Variants in EVC observed in about 807,000 individuals in gnomAD.
The protein encoded by EVC is evC complex member EVC.
Under a neutral mutation model 118.9 loss-of-function variants are expected in EVC, and 116 were observed. That is an observed-to-expected ratio of 0.98 (90% CI 0.84 to 1.14). The LOEUF is 1.14. EVC is among the 50% of genes most tolerant of loss of function. The pLI is 0.00. For synonymous variants in EVC, 619 were observed against 534.7 expected (o/e 1.16, Z -2.18); for missense variants, 1,401 against 1,246.4 (o/e 1.12, Z -1.87).
intron 12 of EVC, 84 bp downstream of exon 12, chr4:5,783,848 C>G: frequency 1.6e-6 from 2 of 1,239,784 alleles, no homozygotes; most frequent in East Asian, 5.1e-5. Context: ...GTCCTGAACA[C>G]CCACTAGTGC....
intron 4 of EVC, among the ~76,000 whole-genome samples, chr4:5,732,207 A>G (rs925738659): frequency 2.6e-5 from 4 of 152,118 alleles, no homozygotes; most frequent in African/African-American, 9.7e-5. Context: ...ATTTGACCCA[A>G]CCCAGAGCAG....
At chr4:5,762,338 T>G (rs984658507) in intron 11 of EVC, among the ~76,000 whole-genome samples, 1 of 139,488 alleles carries the variant, frequency 7.2e-6, no homozygotes, top group African/African-American at 2.7e-5. Context: ...TCTTTGCTAT[T>G]GTGAATAGTG....
chr4:5,777,777 G>A (rs1331116615), intron 11 of EVC, among the ~76,000 whole-genome samples: 1 of 152,102 alleles, frequency 6.6e-6, no homozygotes, highest in South Asian at 2.1e-4. Context: ...CAGGGTTGGC[G>A]ATGAGCTTAA....
At chr4:5,732,955 A>T (rs1727068744) in intron 4 of EVC, among the ~76,000 whole-genome samples, 1 of 152,244 alleles carries the variant, frequency 6.6e-6, no homozygotes, top group Non-Finnish European at 1.5e-5. Context: ...GGCTGCAGTA[A>T]GCCGTGATTG....
At chr4:5,713,578 G>A (rs1043614739) in intron 1 of EVC, among the ~76,000 whole-genome samples, 4 of 151,332 alleles carry the variant, frequency 2.6e-5, no homozygotes, top group Admixed American at 6.6e-5. Context: ...TCAGGAGGCT[G>A]AGGCAGGAGA....
At chr4:5,728,037 G>A (rs2151910170) in intron 2 of EVC, among the ~76,000 whole-genome samples, 1 of 151,692 alleles carries the variant, frequency 6.6e-6, no homozygotes, top group East Asian at 1.9e-4. Context: ...TTTGGCTTAG[G>A]ATTGACTTGG....
At chr4:5,783,478 A>G in intron 11 of EVC, 74 bp from the exon 12 acceptor site, 3 of 1,414,474 alleles carry the variant, frequency 2.1e-6, no homozygotes, top group East Asian at 2.3e-5. Flanking sequence ...TGTGGAGGAG[A>G]GGCAGAGAGC....
rs560545695 is a variant in EVC, at chr4:5,801,802, G to A, written c.2305-148G>A. 406 of 794,786 alleles carry A rather than the reference G, an allele frequency of 5.1e-4. 1 individual carries two copies. Among genetic ancestry groups the A allele is most frequent in the Non-Finnish European group, 7.3e-4 (340 of 466,758 alleles). The allele number at this position is 794,786 out of a possible 1,614,324, so 49.2% of individuals were successfully genotyped here. A position where few individuals can be genotyped will look rare whatever the true frequency, so the allele number is the denominator to read the frequency against. Reference sequence around the variant, plus strand: ...CCCATGACTAGTTTAAACCAGCCATGCACTCTCTGCCTGCTTCCTGACCAA... The same window carrying A: ...CCCATGACTAGTTTAAACCAGCCATACACTCTCTGCCTGCTTCCTGACCAA... On this transcript the variant is annotated intron_variant, in intron 15 of 20. Coordinates refer to ENST00000264956, the MANE Select transcript of EVC (RefSeq NM_153717.3).
chr4:5,769,922 G>A (rs1733681528), intron 11 of EVC, among the ~76,000 whole-genome samples: 1 of 152,084 alleles, frequency 6.6e-6, no homozygotes, highest in African/African-American at 2.4e-5. Flanking sequence ...TGCAAGTTTG[G>A]TGGTCCTGAA....
chr4:5,816,329 A>G (rs991171777), downstream of EVC, among the ~76,000 whole-genome samples: 1 of 152,132 alleles, frequency 6.6e-6, no homozygotes, highest in African/African-American at 2.4e-5. Context: ...AAAACGACCA[A>G]CATCCTTGGG....
intron 12 of EVC, among the ~76,000 whole-genome samples, chr4:5,791,760 G>T (rs965733504): frequency 5.3e-5 from 8 of 151,744 alleles, no homozygotes; most frequent in Non-Finnish European, 1.0e-4. Context: ...ATGAAAGATG[G>T]AGCCAAAAAT....
At position 5,753,947 on chromosome 4, in the gene EVC, C is replaced by G. The variant is rs1276237247; in HGVS notation, c.1464+14C>G. ...AAGTTTCTCGAGGTGACTCACATCC[C>G]CAGCCTCTGCACATGTGGGTGAGCC... On this transcript the variant is annotated intron_variant, in intron 10 of 20. Coordinates refer to ENST00000264956, the MANE Select transcript of EVC (RefSeq NM_153717.3). The G allele has an allele frequency of 1.9e-6, 3 of 1,612,528 alleles. No homozygotes were observed. The highest frequency in any genetic ancestry group is 1.1e-5 in the South Asian group (1 of 90,992).
At chr4:5,717,742 T>C (rs757297301) in intron 1 of EVC, among the ~76,000 whole-genome samples, 4 of 152,258 alleles carry the variant, frequency 2.6e-5, no homozygotes, top group Non-Finnish European at 4.4e-5. Context: ...CAATGGCTCA[T>C]GGCCTCACTT....
intron 11 of EVC, among the ~76,000 whole-genome samples, chr4:5,772,054 G>A (rs187881053): frequency 4.9e-4 from 75 of 151,968 alleles, no homozygotes; most frequent in South Asian, 4.2e-3. Flanking sequence ...CCGCCACCAC[G>A]CCCAGCTAAT....
Position 5,798,905 on chromosome 4 carries a change from CTT to C in EVC, c.2304+115_2304+116del. Reference sequence around the variant, plus strand: ...TTCATGGAGCTTGTGGCCTAGTAGACTTTGCCTGACTTCTCCATGACTTGATT... The same window carrying C: ...TTCATGGAGCTTGTGGCCTAGTAGACTGCCTGACTTCTCCATGACTTGATT... On this transcript the variant is annotated intron_variant, in intron 15 of 20. Coordinates refer to ENST00000264956, the MANE Select transcript of EVC (RefSeq NM_153717.3). The surrounding 1 kb of genome is among the most constrained non-coding windows in gnomAD (Gnocchi z 4.1). The C allele has an allele frequency of 3.5e-6, 4 of 1,133,032 alleles. No homozygotes were observed. The South Asian group carries it at 4.0e-5, about 11-fold the overall frequency. 70.2% of individuals were successfully genotyped at this position (1,133,032 alleles called of 1,614,324 possible).
At chr4:5,728,563 AT>A (rs1188650433) in intron 2 of EVC, among the ~76,000 whole-genome samples, 1 of 152,116 alleles carries the variant, frequency 6.6e-6, no homozygotes, top group African/African-American at 2.4e-5. Context: ...AATACCCTTT[AT>A]TTCCTAAAGT....
Position 5,754,069 on chromosome 4 carries a change from C to A in EVC, c.1464+136C>A, listed in dbSNP as rs957313912. Reference sequence around the variant, plus strand: ...ACTTCCCATGTGTCAGCCGAGTGACCGAATCTCAGTCCCTTAGCCCCTACA... The same window carrying A: ...ACTTCCCATGTGTCAGCCGAGTGACAGAATCTCAGTCCCTTAGCCCCTACA... On this transcript the variant is annotated intron_variant, in intron 10 of 20. Coordinates refer to ENST00000264956, the MANE Select transcript of EVC (RefSeq NM_153717.3). This position sits in a 1 kb window ranked among gnomAD's most constrained non-coding sequence, Gnocchi z 5.8. 5 of 1,145,454 alleles carry A rather than the reference C, an allele frequency of 4.4e-6. No homozygotes were observed. The African/African-American group carries it at 6.1e-5, about 14-fold the overall frequency. The allele number at this position is 1,145,454 out of a possible 1,614,324, so 71.0% of individuals were successfully genotyped here.
chr4:5,822,495 G>A, the EVC span, among the ~76,000 whole-genome samples: 2 of 83,038 alleles, frequency 2.4e-5, no homozygotes, highest in Non-Finnish European at 4.2e-5. Flanking sequence ...GGATCTGAAG[G>A]GGGGGGGGGT....
intron 1 of EVC, among the ~76,000 whole-genome samples, chr4:5,715,019 G>A (rs553558302): frequency 6.0e-5 from 9 of 150,500 alleles, no homozygotes; most frequent in Non-Finnish European, 1.2e-4. Flanking sequence ...TTGCCATGTT[G>A]CCCAGGCTGG....
Sources: gnomAD v4.1 joint callset for allele counts (sites outside exome capture counted in the v4.1 genomes callset) on GRCh38, gnomAD v4.1.1 for gene constraint, Gnocchi (gnomAD v3.1) non-coding constraint, MANE v1.5 for transcripts, NCBI Gene and HGNC (gene_info 2026-07-23, HGNC 2026-07-21) for gene names.